The following PKIA variants were observed in gnomAD, a reference collection of about 807,000 sequenced individuals.
PKIA encodes the protein cAMP-dependent protein kinase inhibitor alpha.
A neutral mutation model predicts 7.6 loss-of-function variants in PKIA; 4 were observed. The observed-to-expected ratio is 0.52, with a 90% confidence interval of 0.26 to 1.20. The LOEUF (loss-of-function observed/expected upper bound fraction) is 1.20. Ranked by LOEUF, PKIA falls within the 50% of genes most tolerant of loss-of-function variation. PKIA has a pLI of 0.13. For synonymous variants in PKIA, 21 were observed against 30.7 expected (o/e 0.68, Z 1.04); for missense variants, 73 against 86.2 (o/e 0.85, Z 0.61).
intron 1 of PKIA, among the ~76,000 whole-genome samples, chr8:78,527,431 T>C (rs117208515): frequency 0.023 from 3,571 of 152,106 alleles, 65 homozygotes; most frequent in Non-Finnish European, 0.036. Flanking sequence ...ATTTCAAATA[T>C]TTGATTCCTT....
At chr8:78,597,278 AT>A (rs1192146462) in intron 2 of PKIA, among the ~76,000 whole-genome samples, 5 of 152,176 alleles carry the variant, frequency 3.3e-5, no homozygotes, top group Non-Finnish European at 7.4e-5. Flanking sequence ...CAGTATGGCC[AT>A]TTTAATGATA....
chr8:78,524,554 TAA>T (rs1324626679), intron 1 of PKIA, among the ~76,000 whole-genome samples: 1 of 151,754 alleles, frequency 6.6e-6, no homozygotes, highest in African/African-American at 2.4e-5. Context: ...TAATAATCAG[TAA>T]AAAAGAGTTT....
chr8:78,537,276 TTC>T (rs943547094), intron 1 of PKIA, among the ~76,000 whole-genome samples: 1 of 151,996 alleles, frequency 6.6e-6, no homozygotes, highest in African/African-American at 2.4e-5. Context: ...ATCCATCTAA[TTC>T]TCTGATACAG....
chr8:78,556,427 C>T (rs527743209), intron 1 of PKIA: 85 of 148,534 alleles, frequency 5.7e-4, no homozygotes, highest in African/African-American at 2.1e-3. Flanking sequence ...TTATTTTTAA[C>T]AAAAATGGGA....
At chr8:78,520,533 G>T (rs993314067) in intron 1 of PKIA, among the ~76,000 whole-genome samples, 2 of 152,168 alleles carry the variant, frequency 1.3e-5, no homozygotes, top group East Asian at 3.9e-4. Flanking sequence ...GAGGCTCAGA[G>T]ATGTCACCTG....
Position 78,601,802 on chromosome 8 carries a change from C to G in PKIA, c.212C>G (p.Ala71Gly), listed in dbSNP as rs776668512. ...TEQSGEAQGE[A>G]AKSES is the part of the protein sequence containing the mutation. ...CAAAGTGGGGAAGCCCAGGGAGAAG[C>G]AGCAAAATCTGAAAGCTAACACCCC... Residue 71 changes from alanine to glycine, a missense_variant, in exon 4 of 4, where the codon GCA becomes GGA. Ala to Gly is a moderately conservative substitution (Grantham distance 60, BLOSUM62 0). Transcript: ENST00000396418. The G allele has an allele frequency of 1.2e-5, 20 of 1,611,936 alleles. No individual in the cohort carries two copies. Among genetic ancestry groups the G allele is most frequent in the Non-Finnish European group, 5.9e-6 (7 of 1,178,692 alleles).
chr8:78,539,545 T>C (rs1330612819), intron 1 of PKIA, among the ~76,000 whole-genome samples: 2 of 152,078 alleles, frequency 1.3e-5, no homozygotes, highest in African/African-American at 2.4e-5. Flanking sequence ...AACTCAGAGA[T>C]TTTTATTTTA....
intron 2 of PKIA, among the ~76,000 whole-genome samples, chr8:78,593,599 G>A (rs1808156720): frequency 6.6e-6 from 1 of 152,112 alleles, no homozygotes; most frequent in Non-Finnish European, 1.5e-5. Flanking sequence ...ATACTGTGTT[G>A]GTTAATGGTA....
intron 2 of PKIA, among the ~76,000 whole-genome samples, chr8:78,573,892 A>G (rs889117075): frequency 7.9e-5 from 12 of 151,982 alleles, no homozygotes; most frequent in Admixed American, 2.6e-4. Context: ...CACAAAACAC[A>G]TATTTGCCAA....
intron 2 of PKIA, among the ~76,000 whole-genome samples, chr8:78,593,208 C>T (rs1017101473): frequency 5.9e-5 from 9 of 152,078 alleles, no homozygotes; most frequent in South Asian, 2.1e-4. Context: ...CTGCAACCTC[C>T]GCCACCCGGG....
intron 1 of PKIA, among the ~76,000 whole-genome samples, chr8:78,543,772 T>C (rs1321953205): frequency 6.6e-6 from 1 of 152,202 alleles, no homozygotes; most frequent in African/African-American, 2.4e-5. Flanking sequence ...ACTAAGAGAA[T>C]TGGTGTTTTC....
intron 1 of PKIA, among the ~76,000 whole-genome samples, chr8:78,542,972 G>A (rs1336867559): frequency 6.6e-6 from 1 of 152,122 alleles, no homozygotes; most frequent in Non-Finnish European, 1.5e-5. Flanking sequence ...CTTCAGAAAT[G>A]AAGAGAACCA....
intron 1 of PKIA, among the ~76,000 whole-genome samples, chr8:78,541,048 A>G (rs1806674406): frequency 6.6e-6 from 1 of 152,072 alleles, no homozygotes; most frequent in Admixed American, 6.6e-5. Flanking sequence ...TACCTTCTTG[A>G]AACTATTTAT....
At chr8:78,526,033 A>G (rs1216346247) in intron 1 of PKIA, among the ~76,000 whole-genome samples, 2 of 152,082 alleles carry the variant, frequency 1.3e-5, no homozygotes, top group African/African-American at 4.8e-5. Context: ...TGAAATATAC[A>G]TGGTAAAGGT....
chr8:78,549,726 CA>C (rs10708020), intron 1 of PKIA, among the ~76,000 whole-genome samples: 62,103 of 123,084 alleles, frequency 0.5, 16,409 homozygotes, highest in African/African-American at 0.78. Flanking sequence ...ACTGAAATAC[CA>C]AAAAAAAAAA....
At position 78,604,223 on chromosome 8, in the gene PKIA, T is replaced by C. The variant is rs1194083611; in HGVS notation, c.*2402T>C. 1 of 152,014 alleles carries C rather than the reference T, an allele frequency of 6.6e-6. No individual in the cohort carries two copies. Among genetic ancestry groups the C allele is most frequent in the African/African-American group, 2.4e-5 (1 of 41,414 alleles). The allele number at this position is 152,014 out of a possible 1,614,324, so 9.4% of individuals were successfully genotyped here. A position where few individuals can be genotyped will look rare whatever the true frequency, so the allele number is the denominator to read the frequency against. Reference sequence around the variant, plus strand: ...GTCTATTAACCAACTATTCTTACGCTAATGGCTTTGCAGCTCCTATTCTCC... The same window carrying C: ...GTCTATTAACCAACTATTCTTACGCCAATGGCTTTGCAGCTCCTATTCTCC... On this transcript the variant is annotated 3_prime_UTR_variant, in exon 4 of 4. Transcript: ENST00000396418.
rs1585859713 is a variant in PKIA at position 78,517,372 on chromosome 8, T to C, written c.-157+904T>C. Among the ~76,000 whole-genome samples, 3 of 152,078 alleles carry C rather than the reference T, an allele frequency of 2.0e-5. No homozygotes were observed. The South Asian group carries it at 6.2e-4, about 32-fold the overall frequency. ...AGAGGACAGATAGAATCTACTGGAG[T>C]GTGAGGGATGTTCCCTATGCATAGG... On this transcript the variant is annotated intron_variant, in intron 1 of 3. Transcript: ENST00000396418.
chr8:78,526,960 G>A lies in PKIA; in HGVS notation c.-157+10492G>A, dbSNP rs192762765. ...TCTGTTATTGATATGGGCCATTTGG[G>A]TTTTAAAAAACAAGTACAAAAACTG... On this transcript the variant is annotated intron_variant, in intron 1 of 3. Transcript: ENST00000396418. Among the ~76,000 whole-genome samples, 285 of 151,940 alleles carry A rather than the reference G, an allele frequency of 1.9e-3. 1 individual carries two copies. The highest frequency in any genetic ancestry group is 6.8e-3 in the Middle Eastern group (2 of 294).
chr8:78,599,058 T>TC (rs1808295817), intron 3 of PKIA, among the ~76,000 whole-genome samples: 1 of 152,092 alleles, frequency 6.6e-6, no homozygotes. Flanking sequence ...GTCTTTGGTT[T>TC]CCTATTCCAG....
Sources: allele counts gnomAD v4.1 joint callset (sites outside exome capture counted in the v4.1 genomes callset), GRCh38; gene constraint gnomAD v4.1.1; transcripts MANE v1.5; gene names NCBI Gene and HGNC (gene_info 2026-07-23, HGNC 2026-07-21).